Variants in AKAP13 observed in about 807,000 individuals in gnomAD.
AKAP13 encodes the protein A-kinase anchor protein 13.
Under a neutral mutation model 264.5 loss-of-function variants are expected in AKAP13, and 80 were observed. That is an observed-to-expected ratio of 0.30 (90% CI 0.25 to 0.36). The LOEUF is 0.36. Ranked by LOEUF, AKAP13 falls within the 10% of genes least tolerant of loss-of-function variation. The pLI is 1.00. For synonymous variants in AKAP13, 1,380 were observed against 1,250.2 expected (o/e 1.10, Z -2.19); for missense variants, 3,712 against 3,435.2 (o/e 1.08, Z -2.01).
At chr15:85,594,851 G>T (rs182085104) in intron 8 of AKAP13, among the ~76,000 whole-genome samples, 2 of 152,102 alleles carry the variant, frequency 1.3e-5, no homozygotes, top group Admixed American at 1.3e-4. Flanking sequence ...GTGATATGTC[G>T]CTAGTTGACC....
intron 1 of AKAP13, among the ~76,000 whole-genome samples, chr15:85,480,577 T>A (rs2075318293): frequency 6.8e-6 from 1 of 147,514 alleles, no homozygotes; most frequent in Non-Finnish European, 1.5e-5. Context: ...GAATATTGTA[T>A]GGCACCCTAT....
At chr15:85,730,908 C>T (rs901672546) in intron 30 of AKAP13, among the ~76,000 whole-genome samples, 3 of 152,074 alleles carry the variant, frequency 2.0e-5, no homozygotes, top group Non-Finnish European at 4.4e-5. Flanking sequence ...GGCCCTGAAG[C>T]CCCTTCCTCC....
chr15:85,648,968 G>A (rs143459831), intron 10 of AKAP13, among the ~76,000 whole-genome samples: 11 of 152,304 alleles, frequency 7.2e-5, no homozygotes, highest in Non-Finnish European at 1.3e-4. Context: ...GAGATGGGGA[G>A]GATTTTTCTC....
intron 2 of AKAP13, among the ~76,000 whole-genome samples, chr15:85,510,749 G>T (rs1180042569): frequency 6.6e-6 from 1 of 152,196 alleles, no homozygotes; most frequent in East Asian, 1.9e-4. Flanking sequence ...AAAATAAAGA[G>T]AACTCTGAAA....
chr15:85,528,680 TTGA>T (rs1479548231), intron 3 of AKAP13, among the ~76,000 whole-genome samples: 5 of 152,192 alleles, frequency 3.3e-5, no homozygotes, highest in Non-Finnish European at 7.3e-5. Flanking sequence ...GCCAGCATAC[TTGA>T]TGAGGATCCC....
At chr15:85,538,942 T>C (rs997589837) in intron 4 of AKAP13, among the ~76,000 whole-genome samples, 2 of 151,328 alleles carry the variant, frequency 1.3e-5, no homozygotes, top group African/African-American at 4.9e-5. Flanking sequence ...ACCATTCTCC[T>C]GCCTCAGCCT....
chr15:85,671,535 A>C (rs1386127037), intron 14 of AKAP13, among the ~76,000 whole-genome samples: 3 of 152,002 alleles, frequency 2.0e-5, no homozygotes, highest in Non-Finnish European at 2.9e-5. Flanking sequence ...TTCAAATACA[A>C]ATCTAGCGTA....
intron 5 of AKAP13, chr15:85,555,416 T>C (rs7164821): frequency 0.69 from 886,695 of 1,287,410 alleles, 306,684 homozygotes; most frequent in Middle Eastern, 0.75. Context: ...CTTTCCTCTA[T>C]TTTTAAAGCT....
chr15:85,484,467 G>A (rs1194207881), intron 1 of AKAP13, among the ~76,000 whole-genome samples: 1 of 152,238 alleles, frequency 6.6e-6, no homozygotes, highest in Non-Finnish European at 1.5e-5. Flanking sequence ...GAATGGGCAT[G>A]GGCATGGAGG....
chr15:85,512,510 C>T (rs1306894710), intron 2 of AKAP13, among the ~76,000 whole-genome samples: 2 of 152,072 alleles, frequency 1.3e-5, no homozygotes, highest in Admixed American at 1.3e-4. Flanking sequence ...CTTTTTTCCC[C>T]ACACCTAACT....
At chr15:85,700,868 G>A (rs2085871232) in intron 17 of AKAP13, among the ~76,000 whole-genome samples, 1 of 152,048 alleles carries the variant, frequency 6.6e-6, no homozygotes, top group Non-Finnish European at 1.5e-5. Flanking sequence ...AGAACGTTAA[G>A]ATGTTCTCTG....
At position 85,748,249 on chromosome 15, in the gene AKAP13, C is replaced by G. The variant is rs1254907711; in HGVS notation, c.*3572C>G. 2 of 152,304 alleles carry G rather than the reference C, an allele frequency of 1.3e-5. No individual in the cohort carries two copies. The highest frequency in any genetic ancestry group is 2.9e-5 in the Non-Finnish European group (2 of 68,122). 9.4% of individuals were successfully genotyped at this position (152,304 alleles called of 1,614,324 possible). On this transcript the variant is annotated 3_prime_UTR_variant, in exon 37 of 37. Transcript: ENST00000394518. ...TGGGAGGGAGTTTAGAAAGACAGTC[C>G]TGGTGAATGGGCTTCAAGTGGTCAC...
intron 2 of AKAP13, among the ~76,000 whole-genome samples, chr15:85,517,661 G>A (rs2076657078): frequency 6.6e-6 from 1 of 151,932 alleles, no homozygotes; most frequent in African/African-American, 2.4e-5. Context: ...TAAAGTAACT[G>A]TTTTATAAAA....
intron 4 of AKAP13, among the ~76,000 whole-genome samples, chr15:85,541,021 C>T (rs1006038416): frequency 1.3e-5 from 2 of 152,158 alleles, no homozygotes; most frequent in Non-Finnish European, 2.9e-5. Context: ...CAATGGTTAA[C>T]TCTGAATGAG....
intron 1 of AKAP13, among the ~76,000 whole-genome samples, chr15:85,393,950 A>G (rs941185317): frequency 1.3e-5 from 2 of 152,248 alleles, no homozygotes; most frequent in African/African-American, 4.8e-5. Context: ...CTAGGCTTCC[A>G]TGTTTGTGCC....
chr15:85,746,142 G>A lies in AKAP13; in HGVS notation c.*1465G>A, dbSNP rs567966570. On this transcript the variant is annotated 3_prime_UTR_variant, in exon 37 of 37. Transcript: ENST00000394518. Reference sequence around the variant, plus strand: ...GCTTTTTTGCCCCTCGGAAGCATGGGGCTTTTGAGCACACTTAAAAAAAGA... The same window carrying A: ...GCTTTTTTGCCCCTCGGAAGCATGGAGCTTTTGAGCACACTTAAAAAAAGA... 1 of 152,478 alleles carries A rather than the reference G, an allele frequency of 6.6e-6. No individual in the cohort carries two copies. Among genetic ancestry groups the A allele is most frequent in the Non-Finnish European group, 1.5e-5 (1 of 68,010 alleles). The allele number at this position is 152,478 out of a possible 1,614,324, so 9.4% of individuals were successfully genotyped here.
intron 1 of AKAP13, among the ~76,000 whole-genome samples, chr15:85,483,996 T>C (rs1459659623): frequency 6.6e-6 from 1 of 152,122 alleles, no homozygotes; most frequent in Non-Finnish European, 1.5e-5. Context: ...TAACAAGGTG[T>C]TAATTCCTGT....
chr15:85,531,277 G>A (rs1180020414), intron 3 of AKAP13, among the ~76,000 whole-genome samples: 1 of 152,148 alleles, frequency 6.6e-6, no homozygotes, highest in East Asian at 1.9e-4. Context: ...ATTTTAGATA[G>A]GAAAGTTCTT....
intron 17 of AKAP13, chr15:85,701,095 T>C (rs942822048): frequency 2.0e-5 from 3 of 152,262 alleles, no homozygotes; most frequent in African/African-American, 7.2e-5. Context: ...TAAGACTTTT[T>C]AGAGTTTTTC....
Sources: allele counts gnomAD v4.1 joint callset (sites outside exome capture counted in the v4.1 genomes callset), GRCh38; gene constraint gnomAD v4.1.1; transcripts MANE v1.5; gene names NCBI Gene and HGNC (gene_info 2026-07-23, HGNC 2026-07-21).